STK3: variants seen among roughly 807,000 people sequenced by gnomAD.
The protein encoded by STK3 is serine/threonine kinase 3, also known as serine/threonine-protein kinase 3.
Under a neutral mutation model 58.0 loss-of-function variants are expected in STK3, and 41 were observed. That is an observed-to-expected ratio of 0.71 (90% CI 0.55 to 0.92). The LOEUF is 0.92. STK3 is among the 40% of genes least tolerant of loss of function. The pLI, the probability that STK3 is intolerant of heterozygous loss-of-function variation, is 0.00. For missense variants in STK3, 479 were observed against 602.7 expected, an observed-to-expected ratio of 0.79 and a Z score of 2.15; for synonymous variants, 170 against 191.0, an observed-to-expected ratio of 0.89 and a Z score of 0.91.
intron 10 of STK3, among the ~76,000 whole-genome samples, chr8:98,470,271 A>C (rs1262143766): frequency 6.6e-6 from 1 of 152,172 alleles, no homozygotes; most frequent in African/African-American, 2.4e-5. Flanking sequence ...CTTCTAGCCT[A>C]TTTTCAGTTA....
rs148181785 is a variant in STK3 at position 98,499,125 on chromosome 8, C to T, written c.1317+27617G>A. Among the ~76,000 whole-genome samples the T allele has an allele frequency of 3.5e-3, 539 of 152,168 alleles. 3 individuals are homozygous for T. The highest frequency in any genetic ancestry group is 0.012 in the African/African-American group (499 of 41,524). The stretch of plus-strand genomic sequence containing the variant: ...ATCAGAGGGAAAAGATGCTACACTG[C>T]TGGCTTTGAAAATGGAGAAAAGGGC... On this transcript the variant is annotated intron_variant, in intron 10 of 10. Transcript: ENST00000419617.
downstream of STK3, chr8:98,879,863 C>T (rs1308607267): frequency 1.3e-5 from 2 of 152,228 alleles, no homozygotes; most frequent in Admixed American, 1.3e-4. Flanking sequence ...TTCAAACGTG[C>T]TAAGCAAGAT....
intron 3 of STK3, among the ~76,000 whole-genome samples, chr8:98,861,388 C>T (rs532625230): frequency 1.4e-5 from 2 of 143,054 alleles, no homozygotes; most frequent in South Asian, 4.4e-4. Flanking sequence ...GTCTCTGTCG[C>T]CCAGGCTGGG....
intron 2 of STK3, among the ~76,000 whole-genome samples, chr8:98,434,851 A>G (rs1273006808): frequency 2.0e-5 from 3 of 152,260 alleles, no homozygotes; most frequent in Non-Finnish European, 4.4e-5. Context: ...AATAAAGGAA[A>G]GGGCAGAGAA....
intron 1 of STK3, among the ~76,000 whole-genome samples, chr8:98,445,141 T>A (rs772706342): frequency 2.2e-4 from 33 of 152,226 alleles, no homozygotes; most frequent in Non-Finnish European, 4.3e-4. Flanking sequence ...TATTCAGAGT[T>A]CTGCAACCAT....
intron 1 of STK3, chr8:98,905,269 T>C: frequency 1.2e-6 from 1 of 832,970 alleles, no homozygotes; most frequent in Non-Finnish European, 2.1e-6. Context: ...CTCTGTGTTG[T>C]CAAGGCCCCT....
intron 4 of STK3, among the ~76,000 whole-genome samples, chr8:98,746,903 A>T (rs1316357841): frequency 6.6e-6 from 1 of 152,100 alleles, no homozygotes; most frequent in South Asian, 2.1e-4. Context: ...TTAGCCAGGC[A>T]TGATGGCATG....
chr8:98,695,817 T>A (rs1038526150), intron 6 of STK3, among the ~76,000 whole-genome samples: 1 of 152,238 alleles, frequency 6.6e-6, no homozygotes, highest in Non-Finnish European at 1.5e-5. Context: ...AGCTTTGTTC[T>A]TTTGGGTTAG....
At chr8:98,871,427 C>G (rs951761277) in intron 3 of STK3, among the ~76,000 whole-genome samples, 8 of 152,266 alleles carry the variant, frequency 5.3e-5, no homozygotes, top group Middle Eastern at 6.8e-3. Flanking sequence ...TATAAATTTC[C>G]TTGGGCAGTA....
chr8:98,928,367 G>A (rs974025408), intron 1 of STK3, among the ~76,000 whole-genome samples: 5 of 152,186 alleles, frequency 3.3e-5, no homozygotes, highest in Non-Finnish European at 7.3e-5. Context: ...TAGAATGCTG[G>A]TTGATCACAA....
the STK3 span, among the ~76,000 whole-genome samples, chr8:98,359,381 G>A: frequency 3.5e-5 from 5 of 144,884 alleles, no homozygotes; most frequent in African/African-American, 1.3e-4. Flanking sequence ...AAATTAGCCT[G>A]GTGTACTGGT....
chr8:98,781,596 T>C (rs1205568541), intron 1 of STK3, among the ~76,000 whole-genome samples: 2 of 152,110 alleles, frequency 1.3e-5, no homozygotes, highest in Admixed American at 1.3e-4. Flanking sequence ...CAGAACAGCA[T>C]TATTTTAGAA....
intron 3 of STK3, among the ~76,000 whole-genome samples, chr8:98,766,896 G>C (rs1458873101): frequency 6.6e-6 from 1 of 152,194 alleles, no homozygotes; most frequent in African/African-American, 2.4e-5. Context: ...GCCAAGGCGG[G>C]TGGATCACCT....
chr8:98,834,296 G>A (rs1298122223), intron 3 of STK3, among the ~76,000 whole-genome samples: 1 of 152,100 alleles, frequency 6.6e-6, no homozygotes, highest in African/African-American at 2.4e-5. Context: ...GCATATTCAT[G>A]GCAACTTGAA....
At chr8:98,699,094 C>T (rs1430635707) in intron 6 of STK3, among the ~76,000 whole-genome samples, 11 of 152,180 alleles carry the variant, frequency 7.2e-5, no homozygotes, top group African/African-American at 2.7e-4. Flanking sequence ...CTTCCCTTCT[C>T]GCTTCATTTC....
At chr8:98,632,643 C>T (rs562429425) in intron 6 of STK3, among the ~76,000 whole-genome samples, 2 of 152,218 alleles carry the variant, frequency 1.3e-5, no homozygotes, top group South Asian at 4.1e-4. Context: ...TAGATGTTAA[C>T]CTAAATGATT....
chr8:98,489,940 A>G (rs908148601), intron 10 of STK3, among the ~76,000 whole-genome samples: 6 of 152,216 alleles, frequency 3.9e-5, no homozygotes, highest in African/African-American at 1.4e-4. Flanking sequence ...CTGGAATTGT[A>G]TTAATGATCA....
chr8:98,451,899 C>A (rs75199834), downstream of STK3, among the ~76,000 whole-genome samples: 4,136 of 138,882 alleles, frequency 0.03, 229 homozygotes, highest in Admixed American at 0.13. Context: ...AAAAAAAAAA[C>A]AAAAAAAAAA....
intron 6 of STK3, among the ~76,000 whole-genome samples, chr8:98,697,737 TTC>T (rs1228723193): frequency 1.3e-5 from 2 of 152,188 alleles, no homozygotes; most frequent in Non-Finnish European, 2.9e-5. Flanking sequence ...TTGTTATAAT[TTC>T]TGTTCTTTTA....
Sources: allele counts gnomAD v4.1 joint callset (sites outside exome capture counted in the v4.1 genomes callset), GRCh38; gene constraint gnomAD v4.1.1; transcripts MANE v1.5; gene names NCBI Gene and HGNC (gene_info 2026-07-23, HGNC 2026-07-21).